The following FSCN2 variants were observed in gnomAD, a reference collection of about 807,000 sequenced individuals.
The protein encoded by FSCN2 is fascin actin-bundling protein 2, retinal.
Under a neutral mutation model 37.8 loss-of-function variants are expected in FSCN2, and 46 were observed. The observed-to-expected ratio is 1.22, with a 90% confidence interval of 0.96 to 1.56. FSCN2 has a LOEUF of 1.56. Among genes scored for constraint, FSCN2 ranks in the 40% most tolerant of loss-of-function variants. FSCN2 has a pLI of 0.00. For synonymous variants in FSCN2, 351 were observed against 309.4 expected, an observed-to-expected ratio of 1.13 and a Z score of -1.41; for missense variants, 844 against 730.4, an observed-to-expected ratio of 1.16 and a Z score of -1.79.
upstream of FSCN2, among the ~76,000 whole-genome samples, chr17:81,525,833 C>T (rs533516365): frequency 3.9e-5 from 6 of 152,332 alleles, no homozygotes; most frequent in East Asian, 1.9e-4. Context: ...CCAGAGGAAG[C>T]GATCCTAGCA....
Position 81,537,011 on chromosome 17 carries a change from C to T in FSCN2, c.1410C>T (p.Arg470=), listed in dbSNP as rs554434984. Residue 470 remains arginine, a synonymous_variant, in exon 5 of 5, where the codon CGC becomes CGT. Transcript: ENST00000417245. ...AIRARSGKYL[R]GGASGLLRAD... is the part of the protein sequence containing the mutation. ...GCGCCCGGAGCGGCAAGTACCTGCG[C>T]GGCGGCGCCTCGGGCCTGCTGCGGG... 21 of 1,507,366 alleles carry T rather than the reference C, an allele frequency of 1.4e-5. No individual in the cohort carries two copies. The Admixed American group carries it at 2.6e-4, about 19-fold the overall frequency. 93.4% of individuals were successfully genotyped at this position (1,507,366 alleles called of 1,614,324 possible).
chr17:81,536,400 A>G, intron 3 of FSCN2, 133 bp downstream of exon 3: 1 of 1,432,376 alleles, frequency 7.0e-7, no homozygotes, highest in South Asian at 1.3e-5. Flanking sequence ...ATGGAGTCAT[A>G]CTTGCTAGTC....
the FSCN2 span, among the ~76,000 whole-genome samples, chr17:81,515,693 A>G: frequency 2.6e-5 from 4 of 152,110 alleles, no homozygotes; most frequent in South Asian, 8.3e-4. Flanking sequence ...ACTCTGGGTC[A>G]CCTCCACACC....
the FSCN2 span, among the ~76,000 whole-genome samples, chr17:81,515,601 G>C: frequency 6.6e-6 from 1 of 152,218 alleles, no homozygotes; most frequent in Non-Finnish European, 1.5e-5. Context: ...GCTTAACCCA[G>C]GGCCTGCGCC....
intron 1 of FSCN2, among the ~76,000 whole-genome samples, chr17:81,532,229 AATG>A: frequency 2.5e-5 from 1 of 39,554 alleles, no homozygotes; most frequent in East Asian, 1.1e-3. Context: ...TGATGATGAT[AATG>A]GTGATGATGG....
In FSCN2 at chr17:81,529,068, C is replaced by T; in HGVS notation, c.537C>T (p.Phe179=). The T allele has an allele frequency of 1.3e-6, 2 of 1,591,082 alleles. No individual in the cohort carries two copies. The highest frequency in any genetic ancestry group is 1.1e-5 in the South Asian group (1 of 87,906). ...TGGACGCCCTCCTCACCCTCATCTT[C>T]CGGAGCCGACGGTACTGCCTCAAGT... ...WGVDALLTLI[F]RSRRYCLKSC... The change falls in exon 1 of 5, where the codon TTC becomes TTT. Residue 179 remains phenylalanine (F), a synonymous_variant. Transcript: ENST00000417245.
rs2032802595 is a variant in FSCN2 at position 81,535,049 on chromosome 17, C to CA, written c.827-2dup. On this transcript the variant is annotated splice_polypyrimidine_tract_variant and splice_region_variant and intron_variant, in intron 1 of 4. Coordinates refer to ENST00000417245, the MANE Select transcript of FSCN2 (RefSeq NM_012418.4). ...GAGGGGCTTCCCCATCTCCTCCCTC[C>CA]AGGGGTCAACGTCTCAGCCAATCAG... is the stretch of plus-strand genomic sequence containing the variant. 3 of 1,527,178 alleles carry CA rather than the reference C, an allele frequency of 2.0e-6. No individual in the cohort carries two copies. The Admixed American group carries it at 6.0e-5, about 31-fold the overall frequency. 94.6% of individuals were successfully genotyped at this position (1,527,178 alleles called of 1,614,324 possible). A position where few individuals can be genotyped will look rare whatever the true frequency, so the allele number is the denominator to read the frequency against.
In FSCN2 at chr17:81,536,866, G is replaced by A. The variant is rs1350760628; in HGVS notation, c.1274-9G>A. ...TGGGCACCCCCGCCGACGCCGTCCC[G>A]TCCCCCAGGCCGCGACGGAGGGTTC... On this transcript the variant is annotated splice_polypyrimidine_tract_variant and intron_variant, in intron 4 of 4. Coordinates refer to ENST00000417245, the MANE Select transcript of FSCN2 (RefSeq NM_012418.4). The A allele has an allele frequency of 3.2e-6, 5 of 1,564,204 alleles. No individual in the cohort carries two copies. The highest frequency in any genetic ancestry group is 3.4e-4 in the Middle Eastern group (2 of 5,922).
the FSCN2 span, among the ~76,000 whole-genome samples, chr17:81,520,258 G>A: frequency 2.0e-5 from 3 of 152,150 alleles, no homozygotes; most frequent in Non-Finnish European, 2.9e-5. Context: ...GGGAGGGGTG[G>A]GGGGAGAACA....
chr17:81,523,787 C>G (rs1305558433), upstream of FSCN2: 1 of 152,408 alleles, frequency 6.6e-6, no homozygotes, highest in Non-Finnish European at 1.5e-5. Flanking sequence ...CGGGGTGGCC[C>G]CAGGGCTCCA....
At chr17:81,534,607 C>T (rs1376144548) in intron 1 of FSCN2, among the ~76,000 whole-genome samples, 1 of 151,890 alleles carries the variant, frequency 6.6e-6, no homozygotes, top group Non-Finnish European at 1.5e-5. Flanking sequence ...CAGGGACCAG[C>T]CCCTGGCTGG....
At chr17:81,518,914 A>G in the FSCN2 span, 2 of 152,230 alleles carry the variant, frequency 1.3e-5, no homozygotes, top group African/African-American at 4.8e-5. Flanking sequence ...TCTGCGGAGA[A>G]TGGAGGGTGC....
intron 1 of FSCN2, chr17:81,529,568 G>A (rs1555670906): frequency 1.3e-6 from 1 of 757,332 alleles, no homozygotes; most frequent in Non-Finnish European, 2.4e-6. Context: ...CTGAGGGGTG[G>A]TGGCTTCAGG....
rs775018715 is a variant in FSCN2 at position 81,536,880 on chromosome 17, G to C, written c.1279G>C (p.Asp427His). 2 of 1,571,564 alleles carry C rather than the reference G, an allele frequency of 1.3e-6. No homozygotes were observed. The highest frequency in any genetic ancestry group is 1.7e-6 in the Non-Finnish European group (2 of 1,158,460). The stretch of plus-strand genomic sequence containing the variant: ...GACGCCGTCCCGTCCCCCAGGCCGC[G>C]ACGGAGGGTTCTGGTACACGGGCAG... Reference protein sequence around the residue: ...SDGAYRIRGRDGGFWYTGSHG... With the variant: ...SDGAYRIRGRHGGFWYTGSHG... The change falls in exon 5 of 5, where the codon GAC becomes CAC. Residue 427 changes from aspartate (D) to histidine (H), a missense_variant. Physicochemically the swap from Asp to His is moderately conservative, Grantham distance 81 (BLOSUM62 -1). Transcript: ENST00000417245.
the FSCN2 span, among the ~76,000 whole-genome samples, chr17:81,515,241 G>C: frequency 6.6e-6 from 1 of 152,148 alleles, no homozygotes; most frequent in Non-Finnish European, 1.5e-5. Flanking sequence ...GCCTGTCCTG[G>C]ATATGCTCTG....
In FSCN2 at chr17:81,528,707, T is replaced by TGCTCCGCAGCAGCCACCTGGGCC; in HGVS notation, c.180_202dup (p.Tyr68SerfsTer85). 6.3e-7 allele frequency: 1 copy of TGCTCCGCAGCAGCCACCTGGGCC among 1,599,992 alleles called. No individual in the cohort carries two copies. Among genetic ancestry groups the TGCTCCGCAGCAGCCACCTGGGCC allele is most frequent in the Non-Finnish European group, 8.5e-7 (1 of 1,174,394 alleles). Reference sequence around the variant, plus strand: ...GACCCAGGACAAGGCACGGCTGTGCTGCTCCGCAGCAGCCACCTGGGCCGC... The same window carrying TGCTCCGCAGCAGCCACCTGGGCC: ...GACCCAGGACAAGGCACGGCTGTGCTGCTCCGCAGCAGCCACCTGGGCCGCTCCGCAGCAGCCACCTGGGCCGC... On this transcript the variant is annotated frameshift_variant, in exon 1 of 5. Transcript: ENST00000417245. LOFTEE classifies it high-confidence loss of function.
At chr17:81,521,302 A>C in the FSCN2 span, among the ~76,000 whole-genome samples, 1 of 151,252 alleles carries the variant, frequency 6.6e-6, no homozygotes, top group African/African-American at 2.4e-5. Flanking sequence ...TCCCGACCTC[A>C]GGTGATCCAC....
the FSCN2 span, among the ~76,000 whole-genome samples, chr17:81,515,534 T>G: frequency 6.6e-6 from 1 of 152,236 alleles, no homozygotes; most frequent in Non-Finnish European, 1.5e-5. Flanking sequence ...TTATTTTAGT[T>G]TCGGCCCATT....
At position 81,536,646 on chromosome 17, in the gene FSCN2, A is replaced by G. The variant is rs773532409; in HGVS notation, c.1130A>G (p.Lys377Arg). The change falls in exon 4 of 5, where the codon AAG (lysine) becomes AGG (arginine). Residue 377 changes from lysine to arginine, a missense_variant. Physicochemically the swap from Lys to Arg is conservative, Grantham distance 26. Transcript: ENST00000417245. Reference sequence around the variant, plus strand: ...GGCAAGGACGAAGAGTTCACCCTCAAGCTCATCAACCGGCCCATCCTGGTG... The same window carrying G: ...GGCAAGGACGAAGAGTTCACCCTCAGGCTCATCAACCGGCCCATCCTGGTG... ...FVGKDEEFTLKLINRPILVLR... is the reference protein window; with the variant it reads ...FVGKDEEFTLRLINRPILVLR... 1.9e-6 allele frequency: 3 copies of G among 1,610,776 alleles called. No homozygotes were observed. In the Admixed American group the frequency reaches 5.0e-5, roughly 27 times the overall value.
Sources: gnomAD v4.1 joint callset for allele counts (sites outside exome capture counted in the v4.1 genomes callset) on GRCh38, gnomAD v4.1.1 for gene constraint, MANE v1.5 for transcripts, NCBI Gene and HGNC (gene_info 2026-07-23, HGNC 2026-07-21) for gene names.